Variants in ATP6V0A2 observed in about 807,000 individuals in gnomAD.
ATP6V0A2 encodes the protein V-type proton ATPase 116 kDa subunit a 2.
A neutral mutation model predicts 104.4 loss-of-function variants in ATP6V0A2; 58 were observed. The ratio of observed to expected loss-of-function variants is 0.56; its 90% confidence interval spans 0.45 to 0.69. The LOEUF is 0.69. Among genes scored for constraint, ATP6V0A2 ranks in the 30% least tolerant of loss-of-function variants. ATP6V0A2 has a pLI of 0.00. For synonymous variants in ATP6V0A2, 376 were observed against 397.9 expected, an observed-to-expected ratio of 0.95 and a Z score of 0.65; for missense variants, 938 against 1,062.9, an observed-to-expected ratio of 0.88 and a Z score of 1.63.
At chr12:123,749,179 C>G (rs1956691496) in intron 15 of ATP6V0A2, among the ~76,000 whole-genome samples, 1 of 152,302 alleles carries the variant, frequency 6.6e-6, no homozygotes, top group Non-Finnish European at 1.5e-5. Flanking sequence ...GTCCGAGCTA[C>G]TTGGGAAGCT....
At chr12:123,738,089 A>AGGG (rs1292082140) in intron 9 of ATP6V0A2, among the ~76,000 whole-genome samples, 1 of 152,228 alleles carries the variant, frequency 6.6e-6, no homozygotes. Flanking sequence ...TTGTGAGTGA[A>AGGG]GGGGAATACC....
At chr12:123,750,827 A>G in intron 15 of ATP6V0A2, 1 of 434,648 alleles carries the variant, frequency 2.3e-6, no homozygotes, top group Non-Finnish European at 4.3e-6. Context: ...ACAGAAAATG[A>G]TTAGTTGGAG....
In ATP6V0A2 at chr12:123,746,534, C is replaced by T. The variant is rs532634250; in HGVS notation, c.1606-1073C>T. Among the ~76,000 whole-genome samples the T allele has an allele frequency of 7.4e-5, 11 of 148,440 alleles. No homozygotes were observed. In the South Asian group the frequency reaches 1.3e-3, roughly 17 times the overall value. On this transcript the variant is annotated intron_variant, in intron 13 of 19. Transcript: ENST00000330342. ...GTGCGTGCCTGTGGTCCCAGCTTCT[C>T]GGAAGGCTGAGGTGGGAAGATTGCT...
At chr12:123,727,285 T>C (rs1163092106) in intron 5 of ATP6V0A2, among the ~76,000 whole-genome samples, 1 of 97,496 alleles carries the variant, frequency 1.0e-5, no homozygotes, top group Non-Finnish European at 2.0e-5. Flanking sequence ...ATTCCAAGAA[T>C]TTCTCTCTTT....
intron 3 of ATP6V0A2, chr12:123,724,035 T>A (rs767676185): frequency 6.6e-6 from 1 of 152,094 alleles, no homozygotes; most frequent in South Asian, 2.1e-4. Context: ...TTAGCTAATA[T>A]GTGGTGTGAA....
rs10661679 is a variant in ATP6V0A2, at chr12:123,740,145, A to AAAACAAACAAACAAAC, written c.1038+2888_1038+2903dup. ...AGCAACAGAGCCAGACCTTGTCTCA[A>AAAACAAACAAACAAAC]AAACAAACAAACAAACAAACAAACA... On this transcript the variant is annotated intron_variant, in intron 9 of 19. Coordinates refer to ENST00000330342, the MANE Select transcript of ATP6V0A2 (RefSeq NM_012463.4). 8.1e-5 allele frequency among the ~76,000 whole-genome samples: 12 copies of AAAACAAACAAACAAAC among 148,724 alleles called. 1 individual carries two copies. Among genetic ancestry groups the AAAACAAACAAACAAAC allele is most frequent in the African/African-American group, 3.0e-4 (12 of 40,428 alleles).
Position 123,761,594 on chromosome 12 carries a change from G to A in ATP6V0A2, c.*3562G>A, listed in dbSNP as rs1956825968. The stretch of plus-strand genomic sequence containing the variant: ...CTAAGAAGGCTAGGTAGGTTCTTAG[G>A]GTTAGCCTGAGTCATCTAGGGGCTC... On this transcript the variant is annotated 3_prime_UTR_variant, in exon 20 of 20. Transcript: ENST00000330342. 6.6e-6 allele frequency: 1 copy of A among 152,136 alleles called. No individual in the cohort carries two copies. The highest frequency in any genetic ancestry group is 1.5e-5 in the Non-Finnish European group (1 of 68,034). 9.4% of individuals were successfully genotyped at this position (152,136 alleles called of 1,614,324 possible). A position where few individuals can be genotyped will look rare whatever the true frequency, so the allele number is the denominator to read the frequency against.
At chr12:123,734,140 CA>C in intron 7 of ATP6V0A2, 132 bp downstream of exon 7, 1 of 673,858 alleles carries the variant, frequency 1.5e-6, no homozygotes, top group East Asian at 2.7e-5. Context: ...GCTGCACTGC[CA>C]AGTTCTTAAA....
At position 123,747,592 on chromosome 12, in the gene ATP6V0A2, T is replaced by A; in HGVS notation, c.1606-15T>A. On this transcript the variant is annotated splice_polypyrimidine_tract_variant and intron_variant, in intron 13 of 19. Coordinates refer to ENST00000330342, the MANE Select transcript of ATP6V0A2 (RefSeq NM_012463.4). ...AGTTAAAGATTCTGTTTTGTCTTGT[T>A]TGGTTTGGTTTTAGATTTGGAACTT... The A allele has an allele frequency of 2.6e-6, 4 of 1,521,162 alleles. No homozygotes were observed. Among genetic ancestry groups the A allele is most frequent in the Non-Finnish European group, 3.7e-6 (4 of 1,095,522 alleles). 94.2% of individuals were successfully genotyped at this position (1,521,162 alleles called of 1,614,324 possible). A position where few individuals can be genotyped will look rare whatever the true frequency, so the allele number is the denominator to read the frequency against.
At chr12:123,738,350 C>G (rs1431880911) in intron 9 of ATP6V0A2, among the ~76,000 whole-genome samples, 1 of 151,122 alleles carries the variant, frequency 6.6e-6, no homozygotes, top group Non-Finnish European at 1.5e-5. Flanking sequence ...GCCAAGATGG[C>G]GCCATTGCAC....
chr12:123,746,689 A>G (rs551097100), intron 13 of ATP6V0A2, among the ~76,000 whole-genome samples: 2 of 151,086 alleles, frequency 1.3e-5, no homozygotes, highest in East Asian at 3.9e-4. Context: ...GCTCACACCT[A>G]TAATCTCAGC....
At chr12:123,745,575 T>C (rs538788802) in intron 13 of ATP6V0A2, among the ~76,000 whole-genome samples, 1 of 151,956 alleles carries the variant, frequency 6.6e-6, no homozygotes, top group Non-Finnish European at 1.5e-5. Flanking sequence ...GTGTGGTGGC[T>C]GGCGCCTGTA....
chr12:123,721,904 C>G (rs1445075991), intron 2 of ATP6V0A2, among the ~76,000 whole-genome samples: 1 of 152,210 alleles, frequency 6.6e-6, no homozygotes, highest in Non-Finnish European at 1.5e-5. Flanking sequence ...ATGTTGCCAG[C>G]TCCCATAGGG....
At chr12:123,721,886 G>A (rs10160937) in intron 2 of ATP6V0A2, among the ~76,000 whole-genome samples, 98,972 of 152,066 alleles carry the variant, frequency 0.65, 32,523 homozygotes, top group East Asian at 0.95. Context: ...GGGCATCTGC[G>A]AGAAATCATG....
At chr12:123,726,058 T>G in intron 4 of ATP6V0A2, 139 bp from the exon 5 acceptor site, 1 of 676,420 alleles carries the variant, frequency 1.5e-6, no homozygotes, top group Non-Finnish European at 2.7e-6. Context: ...GAGTTATAAA[T>G]CTAAGTTACC....
chr12:123,747,281 T>A (rs1956671631), intron 13 of ATP6V0A2, among the ~76,000 whole-genome samples: 1 of 152,212 alleles, frequency 6.6e-6, no homozygotes, highest in Non-Finnish European at 1.5e-5. Context: ...CTTGAGAGCA[T>A]CCTGACCCTT....
chr12:123,720,679 G>C (rs1033817213), intron 2 of ATP6V0A2, among the ~76,000 whole-genome samples: 2 of 152,148 alleles, frequency 1.3e-5, no homozygotes, highest in Non-Finnish European at 2.9e-5. Context: ...CTGGGCAGCA[G>C]GGTATGACCC....
intron 1 of ATP6V0A2, among the ~76,000 whole-genome samples, chr12:123,716,211 C>A (rs889240383): frequency 6.6e-6 from 1 of 151,814 alleles, no homozygotes; most frequent in Admixed American, 6.6e-5. Flanking sequence ...AGATCACAGG[C>A]GCGCGCCACC....
rs1178777528 is a variant in ATP6V0A2, at chr12:123,760,454, T to G, written c.*2422T>G. The G allele has an allele frequency of 2.6e-5, 4 of 152,228 alleles. No individual in the cohort carries two copies. Among genetic ancestry groups the G allele is most frequent in the Non-Finnish European group, 5.9e-5 (4 of 68,036 alleles). The allele number at this position is 152,228 out of a possible 1,614,324, so 9.4% of individuals were successfully genotyped here. A position where few individuals can be genotyped will look rare whatever the true frequency, so the allele number is the denominator to read the frequency against. The stretch of plus-strand genomic sequence containing the variant: ...ATGTTACCAGAGTTATCGCTCAGTT[T>G]TGTTTGTTAAGGCTTTTGCTAGAAC... On this transcript the variant is annotated 3_prime_UTR_variant, in exon 20 of 20. Coordinates refer to ENST00000330342, the MANE Select transcript of ATP6V0A2 (RefSeq NM_012463.4).
Sources: gnomAD v4.1 joint callset for allele counts (sites outside exome capture counted in the v4.1 genomes callset) on GRCh38, gnomAD v4.1.1 for gene constraint, MANE v1.5 for transcripts, NCBI Gene and HGNC (gene_info 2026-07-23, HGNC 2026-07-21) for gene names.